The following UBE3D variants were observed in gnomAD, a reference collection of about 807,000 sequenced individuals.
The protein encoded by UBE3D is ubiquitin protein ligase E3D.
Under a neutral mutation model 49.6 loss-of-function variants are expected in UBE3D, and 48 were observed. The ratio of observed to expected loss-of-function variants is 0.97; its 90% confidence interval spans 0.77 to 1.23. The LOEUF is 1.23. Among genes scored for constraint, UBE3D ranks in the 50% most tolerant of loss-of-function variants. UBE3D has a pLI of 0.00. For missense variants in UBE3D, 452 were observed against 468.4 expected (o/e 0.96, Z 0.32); for synonymous variants, 189 against 174.2 (o/e 1.08, Z -0.67).
Position 83,023,969 on chromosome 6 carries a change from C to A in UBE3D, c.737G>T (p.Arg246Met), listed in dbSNP as rs1781277548. The A allele has an allele frequency of 1.3e-6, 2 of 1,510,498 alleles. No homozygotes were observed. The highest frequency in any genetic ancestry group is 1.8e-6 in the Non-Finnish European group (2 of 1,127,348). 93.6% of individuals were successfully genotyped at this position (1,510,498 alleles called of 1,614,324 possible). The part of the protein sequence containing the change: ...SSERSFPIIP[R>M]SWFVQSVIAQ... The stretch of plus-strand genomic sequence containing the variant: ...AATAAATGTAATTTGCTATTTGTAC[C>A]TTGGTATGATAGGAAAACTCCTCTC... Residue 246 changes from arginine (R) to methionine (M), a missense_variant and splice_region_variant, in exon 6 of 10, where the codon AGG (arginine) becomes ATG (methionine). By Grantham distance (91) the Arg-to-Met change is moderately conservative. Transcript: ENST00000369747.
the UBE3D span, among the ~76,000 whole-genome samples, chr6:82,886,527 T>C: frequency 2.0e-5 from 3 of 152,142 alleles, no homozygotes; most frequent in African/African-American, 7.2e-5. Flanking sequence ...ACCCCTGATG[T>C]AGAGAACATC....
At position 82,966,388 on chromosome 6, in the gene UBE3D, C is replaced by A. The variant is rs1338170123; in HGVS notation, c.1011-8938G>T. On this transcript the variant is annotated intron_variant, in intron 8 of 9. Coordinates refer to ENST00000369747, the MANE Select transcript of UBE3D (RefSeq NM_198920.3). ...ACTGAGGGCCGGGCGCGGTGGCTCA[C>A]GCCTGTAATCCCAGCACTTTGGGAG... 2.8e-5 allele frequency among the ~76,000 whole-genome samples: 2 copies of A among 72,062 alleles called. 1 individual carries two copies. Among genetic ancestry groups the A allele is most frequent in the East Asian group, 5.7e-4 (2 of 3,504 alleles). 47.3% of individuals were successfully genotyped at this position (72,062 alleles called of 152,430 possible).
At position 82,952,931 on chromosome 6, in the gene UBE3D, C is replaced by T. The variant is rs146141299; in HGVS notation, c.1149+4381G>A. On this transcript the variant is annotated intron_variant, in intron 9 of 9. Coordinates refer to ENST00000369747, the MANE Select transcript of UBE3D (RefSeq NM_198920.3). Reference sequence around the variant, plus strand: ...ATAGGCCAGGATTCTAGGAAAAATACATAGTTGCCATTAAAACCAGCAGCT... The same window carrying T: ...ATAGGCCAGGATTCTAGGAAAAATATATAGTTGCCATTAAAACCAGCAGCT... Among the ~76,000 whole-genome samples, 422 of 152,296 alleles carry T rather than the reference C, an allele frequency of 2.8e-3. 1 individual carries two copies. Among genetic ancestry groups the T allele is most frequent in the South Asian group, 0.014 (70 of 4,828 alleles).
chr6:82,962,638 C>T (rs1298726052), intron 8 of UBE3D, among the ~76,000 whole-genome samples: 2 of 152,124 alleles, frequency 1.3e-5, no homozygotes, highest in Non-Finnish European at 2.9e-5. Context: ...TTAAAATATT[C>T]TGTGATTTAA....
chr6:82,908,132 A>G (rs1012526065), intron 9 of UBE3D, among the ~76,000 whole-genome samples: 1 of 152,236 alleles, frequency 6.6e-6, no homozygotes, highest in African/African-American at 2.4e-5. Flanking sequence ...GTGCAAATAT[A>G]GACAAAATGA....
chr6:82,884,030 T>C, the UBE3D span, among the ~76,000 whole-genome samples: 1 of 152,212 alleles, frequency 6.6e-6, no homozygotes. Flanking sequence ...CATTTGAGTA[T>C]ATGGTACTCA....
chr6:83,005,471 C>T (rs924954888), intron 8 of UBE3D, among the ~76,000 whole-genome samples: 1 of 152,038 alleles, frequency 6.6e-6, no homozygotes, highest in African/African-American at 2.4e-5. Flanking sequence ...CCAGCAAACC[C>T]ACTTCTAGAT....
chr6:83,061,597 G>A (rs999553246), intron 1 of UBE3D, among the ~76,000 whole-genome samples: 2 of 152,142 alleles, frequency 1.3e-5, no homozygotes, highest in African/African-American at 4.8e-5. Flanking sequence ...TCCTTTCGAT[G>A]GTCCATAAGG....
At chr6:82,966,222 A>T (rs375452326) in intron 8 of UBE3D, among the ~76,000 whole-genome samples, 1 of 152,288 alleles carries the variant, frequency 6.6e-6, no homozygotes, top group East Asian at 1.9e-4. Context: ...ATAAAGACAG[A>T]AAGCAGATTA....
chr6:83,038,477 C>G lies in UBE3D; in HGVS notation c.606G>C (p.Lys202Asn). ...GCTTACAAATTACTTTGGTATTTGC[C>G]TTTGGTTCCTGTAGAACAGAAAAAT... ...SSDNHCKLEP[K>N]ANTKVICKRC... Residue 202 changes from lysine (K) to asparagine (N), a missense_variant, in exon 5 of 10, where the codon AAG becomes AAC. Lys to Asn is a moderately conservative substitution (Grantham distance 94). Transcript: ENST00000369747. 6.2e-7 allele frequency: 1 copy of G among 1,609,402 alleles called. No individual in the cohort carries two copies.
intron 8 of UBE3D, among the ~76,000 whole-genome samples, chr6:83,006,465 G>A (rs1346217690): frequency 6.6e-6 from 1 of 152,148 alleles, no homozygotes; most frequent in Non-Finnish European, 1.5e-5. Flanking sequence ...CTTACCAGAA[G>A]AGGAAGAGAC....
At chr6:83,031,644 G>A (rs999170537) in intron 5 of UBE3D, among the ~76,000 whole-genome samples, 11 of 152,306 alleles carry the variant, frequency 7.2e-5, no homozygotes, top group Admixed American at 2.6e-4. Flanking sequence ...AGAAATTTGC[G>A]TAAGTAACAA....
chr6:83,059,994 A>G (rs1299605540), intron 1 of UBE3D, among the ~76,000 whole-genome samples: 1 of 152,194 alleles, frequency 6.6e-6, no homozygotes, highest in Non-Finnish European at 1.5e-5. Context: ...TGGCTTAAAC[A>G]ACAGACATGG....
intron 9 of UBE3D, among the ~76,000 whole-genome samples, chr6:82,899,939 A>G (rs538552733): frequency 5.9e-5 from 9 of 152,320 alleles, no homozygotes; most frequent in East Asian, 1.9e-4. Flanking sequence ...GAAGCACAAA[A>G]CATTTGTAAG....
intron 9 of UBE3D, among the ~76,000 whole-genome samples, chr6:82,906,447 C>A (rs1194811662): frequency 6.6e-6 from 1 of 152,180 alleles, no homozygotes; most frequent in Non-Finnish European, 1.5e-5. Flanking sequence ...TCAGTAAAAA[C>A]CTCTTCAACT....
intron 7 of UBE3D, 50 bp from the exon 8 acceptor site, chr6:83,019,186 CA>C: frequency 6.6e-7 from 1 of 1,525,364 alleles, no homozygotes; most frequent in Non-Finnish European, 8.8e-7. Context: ...TCACCTTATC[CA>C]TATCTTATGA....
intron 9 of UBE3D, among the ~76,000 whole-genome samples, chr6:82,941,143 T>C (rs1774982078): frequency 6.6e-6 from 1 of 151,860 alleles, no homozygotes; most frequent in Non-Finnish European, 1.5e-5. Flanking sequence ...GAGGCGGAGG[T>C]TGCAATGAGC....
chr6:82,921,954 T>C (rs2127736145), intron 9 of UBE3D, among the ~76,000 whole-genome samples: 1 of 152,270 alleles, frequency 6.6e-6, no homozygotes, highest in Non-Finnish European at 1.5e-5. Flanking sequence ...TACAAGAGAC[T>C]TTCAGAACTT....
chr6:82,995,103 G>T (rs61028543), intron 8 of UBE3D, among the ~76,000 whole-genome samples: 2 of 152,032 alleles, frequency 1.3e-5, no homozygotes, highest in African/African-American at 2.4e-5. Flanking sequence ...GAAGGAAAAA[G>T]GGAAGAGGCC....
Sources: allele counts gnomAD v4.1 joint callset (sites outside exome capture counted in the v4.1 genomes callset), GRCh38; gene constraint gnomAD v4.1.1; transcripts MANE v1.5; gene names NCBI Gene and HGNC (gene_info 2026-07-23, HGNC 2026-07-21).